The following KDM6A variants were observed in gnomAD, a reference collection of about 807,000 sequenced individuals.
KDM6A encodes the protein lysine-specific demethylase 6A.
KDM6A carries 11 observed loss-of-function variants against 117.6 expected under a neutral mutation model. That is an observed-to-expected ratio of 0.09 (90% CI 0.06 to 0.15). KDM6A has a LOEUF of 0.15. KDM6A is among the 10% of genes least tolerant of loss of function. The pLI is 1.00. For missense variants in KDM6A, 799 were observed against 1,077.3 expected (o/e 0.74, Z 3.62); for synonymous variants, 384 against 396.1 (o/e 0.97, Z 0.36).
At chrX:44,920,564 G>A (rs1602195805) in intron 2 of KDM6A, among the ~76,000 whole-genome samples, 1 of 105,407 alleles carries the variant, frequency 9.5e-6, no homozygotes, top group Non-Finnish European at 2.0e-5. Context: ...TCAGCCTCCC[G>A]AGTAGCTGGG....
chrX:45,007,625 T>G (rs1426273531), intron 4 of KDM6A, among the ~76,000 whole-genome samples: 2 of 112,249 alleles, frequency 1.8e-5, no homozygotes, highest in Non-Finnish European at 3.8e-5. Flanking sequence ...TAGTAAATCT[T>G]TGGGCATCTA....
intron 4 of KDM6A, among the ~76,000 whole-genome samples, chrX:44,988,138 C>T (rs1433277217): frequency 8.9e-6 from 1 of 111,817 alleles, no homozygotes; most frequent in Non-Finnish European, 1.9e-5. Context: ...AACTTCTCTT[C>T]TCACTTCATT....
At chrX:45,077,360 A>G (rs1377915497) in intron 19 of KDM6A, among the ~76,000 whole-genome samples, 1 of 111,572 alleles carries the variant, frequency 9.0e-6, no homozygotes, top group Non-Finnish European at 1.9e-5. Flanking sequence ...TAGCAGTTCA[A>G]TCAAAACAAT....
At position 45,015,188 on chromosome X, in the gene KDM6A, A is replaced by G. The variant is rs192345722; in HGVS notation, c.443+4169A>G. 5.2e-3 allele frequency among the ~76,000 whole-genome samples: 566 copies of G among 109,354 alleles called. 4 individuals carry two copies. Among genetic ancestry groups the G allele is most frequent in the Non-Finnish European group, 8.3e-3 (436 of 52,509 alleles). The allele number at this position is 109,354 out of a possible 115,157, so 95.0% of individuals were successfully genotyped here. A position where few individuals can be genotyped will look rare whatever the true frequency, so the allele number is the denominator to read the frequency against. ...ACAATCACGGCCCACTGAAGTCTCAACCTCCCGGGGCTCTAGTGATCCTTC... is the reference window on the plus strand; with the variant it reads ...ACAATCACGGCCCACTGAAGTCTCAGCCTCCCGGGGCTCTAGTGATCCTTC... On this transcript the variant is annotated intron_variant, in intron 5 of 29. Coordinates refer to ENST00000611820, the MANE Select transcript of KDM6A (RefSeq NM_001291415.2).
intron 3 of KDM6A, among the ~76,000 whole-genome samples, chrX:44,967,103 C>G (rs1361254409): frequency 4.5e-5 from 5 of 111,247 alleles, no homozygotes; most frequent in African/African-American, 1.6e-4. Flanking sequence ...ATCTCCTGAC[C>G]TTGTGATCCG....
intron 2 of KDM6A, among the ~76,000 whole-genome samples, chrX:44,884,164 A>C (rs886826273): frequency 9.2e-6 from 1 of 108,193 alleles, no homozygotes; most frequent in Admixed American, 1.0e-4. Context: ...TGTTTGAGGA[A>C]TTGTGAATAG....
chrX:44,895,802 A>G (rs62593465), intron 2 of KDM6A, among the ~76,000 whole-genome samples: 1 of 102,737 alleles, frequency 9.7e-6, no homozygotes, highest in Non-Finnish European at 2.0e-5. Context: ...TTTTCTTTCT[A>G]TTATTACTTG....
chrX:45,081,772 A>ATTTATTT (rs1317115936), intron 21 of KDM6A, among the ~76,000 whole-genome samples: 2 of 110,105 alleles, frequency 1.8e-5, no homozygotes, highest in Non-Finnish European at 3.8e-5. Context: ...TTGGGTATTT[A>ATTTATTT]TTTATTTTTT....
At chrX:45,075,648 G>A (rs943209234) in intron 18 of KDM6A, among the ~76,000 whole-genome samples, 2 of 111,030 alleles carry the variant, frequency 1.8e-5, no homozygotes, top group African/African-American at 6.5e-5. Context: ...TGGCAGTGAA[G>A]GTTTAAGCCC....
At chrX:45,101,821 ACATGT>A (rs1326071534) in intron 27 of KDM6A, among the ~76,000 whole-genome samples, 1 of 111,931 alleles carries the variant, frequency 8.9e-6, no homozygotes, top group Non-Finnish European at 1.9e-5. Context: ...TAGGAATTTG[ACATGT>A]CAAGTTCAAA....
At position 45,070,057 on chromosome X, in the gene KDM6A, A is replaced by G. The variant is rs1196875808; in HGVS notation, c.2558A>G (p.Asn853Ser). 5.8e-6 allele frequency: 7 copies of G among 1,210,182 alleles called. No individual in the cohort carries two copies. Among genetic ancestry groups the G allele is most frequent in the Admixed American group, 2.2e-5 (1 of 45,771 alleles). Residue 853 changes from asparagine (N) to serine (S), a missense_variant, in exon 18 of 30, where the codon AAT (asparagine) becomes AGT (serine). By Grantham distance (46) the Asn-to-Ser change is conservative. Around this residue, in one of 8 missense-constraint regions of KDM6A, gnomAD observed 301 missense variants for 318.3 expected, o/e 0.95. Transcript: ENST00000611820. Reference sequence around the variant, plus strand: ...GGTACTGGAACCTGTGACAAAGTCAATAACATCCACCCAGCTGTTCATACA... The same window carrying G: ...GGTACTGGAACCTGTGACAAAGTCAGTAACATCCACCCAGCTGTTCATACA... ...NVGTGTCDKV[N>S]NIHPAVHTKT...
At chrX:45,037,829 A>G (rs1260143185) in intron 8 of KDM6A, 140 bp downstream of exon 8, 51 of 487,711 alleles carry the variant, frequency 1.0e-4, no homozygotes, top group Non-Finnish European at 7.0e-6. Flanking sequence ...TGTATTTTAT[A>G]CTCATTAAAT....
intron 8 of KDM6A, among the ~76,000 whole-genome samples, chrX:45,046,748 TA>T (rs759455995): frequency 5.7e-4 from 64 of 111,635 alleles, no homozygotes; most frequent in Non-Finnish European, 1.1e-3. Flanking sequence ...TAGGATATAC[TA>T]ACCCAATAAA....
At chrX:44,996,141 A>G (rs1000255507) in intron 4 of KDM6A, among the ~76,000 whole-genome samples, 15 of 110,337 alleles carry the variant, frequency 1.4e-4, no homozygotes, top group African/African-American at 2.3e-4. Flanking sequence ...CAGTGGTACA[A>G]TTGTAGCGCA....
At chrX:44,949,277 T>G (rs935048294) in intron 2 of KDM6A, among the ~76,000 whole-genome samples, 1 of 110,849 alleles carries the variant, frequency 9.0e-6, no homozygotes, top group Non-Finnish European at 1.9e-5. Context: ...TTCCTGTAGT[T>G]CCAGCTACTT....
chrX:45,062,957 T>A (rs1489927620), intron 16 of KDM6A, among the ~76,000 whole-genome samples: 1 of 112,137 alleles, frequency 8.9e-6, no homozygotes, highest in East Asian at 2.8e-4. Flanking sequence ...CTTTGTATTT[T>A]ATTTATTTAC....
intron 9 of KDM6A, among the ~76,000 whole-genome samples, chrX:45,052,277 A>G (rs770372991): frequency 4.0e-4 from 45 of 112,209 alleles, no homozygotes; most frequent in Non-Finnish European, 7.1e-4. Context: ...ATGTGTAACT[A>G]TCACCAAAAA....
chrX:44,873,777 C>G, intron 1 of KDM6A, 65 bp downstream of exon 1: 3 of 1,151,165 alleles, frequency 2.6e-6, no homozygotes, highest in South Asian at 1.9e-5. Flanking sequence ...CCGGGAGGAC[C>G]GAGCGCGGCT....
chrX:45,019,988 CCT>C (rs1007857437), intron 5 of KDM6A, among the ~76,000 whole-genome samples: 2 of 110,406 alleles, frequency 1.8e-5, no homozygotes, highest in African/African-American at 6.6e-5. Context: ...GAGAAGTAGA[CCT>C]ACACAAATAT....
Sources: gnomAD v4.1 joint callset for allele counts (sites outside exome capture counted in the v4.1 genomes callset) on GRCh38, gnomAD v4.1.1 for gene constraint, gnomAD v4.1.1 regional missense constraint, MANE v1.5 for transcripts, NCBI Gene and HGNC (gene_info 2026-07-23, HGNC 2026-07-21) for gene names.